ARHGAP15: variants seen among roughly 807,000 people sequenced by gnomAD.
ARHGAP15 encodes Rho GTPase activating protein 15.
ARHGAP15 carries 51 observed loss-of-function variants against 63.7 expected under a neutral mutation model. The ratio of observed to expected loss-of-function variants is 0.80; its 90% CI spans 0.64 to 1.01. ARHGAP15 has a LOEUF of 1.01. Ranked by LOEUF, ARHGAP15 falls within the 50% of genes least tolerant of loss-of-function variation. The pLI, the probability that ARHGAP15 is intolerant of heterozygous loss-of-function variation, is 0.00. For synonymous variants in ARHGAP15, 191 were observed against 193.8 expected (o/e 0.99, Z 0.12); for missense variants, 560 against 564.6 (o/e 0.99, Z 0.08).
intron 10 of ARHGAP15, among the ~76,000 whole-genome samples, chr2:143,529,112 C>G (rs1694412702): frequency 6.6e-6 from 1 of 152,074 alleles, no homozygotes; most frequent in Non-Finnish European, 1.5e-5. Flanking sequence ...TCTGTCTCCT[C>G]AAACTGAACT....
chr2:143,497,412 A>C (rs1692862887), intron 9 of ARHGAP15, among the ~76,000 whole-genome samples: 1 of 152,296 alleles, frequency 6.6e-6, no homozygotes, highest in Middle Eastern at 3.4e-3. Flanking sequence ...GATGAGAAGA[A>C]AAAGATGCAG....
intron 11 of ARHGAP15, chr2:143,607,703 T>G (rs978360674): frequency 5.9e-5 from 9 of 152,144 alleles, no homozygotes; most frequent in African/African-American, 2.2e-4. Context: ...CTTCCCAGAA[T>G]TTTTTATGCC....
chr2:143,374,717 G>A (rs1686726373), intron 6 of ARHGAP15, among the ~76,000 whole-genome samples: 1 of 152,078 alleles, frequency 6.6e-6, no homozygotes, highest in African/African-American at 2.4e-5. Flanking sequence ...TGTCCAGGCT[G>A]GTCTCAACCT....
chr2:143,387,324 G>A (rs550965861), intron 6 of ARHGAP15, among the ~76,000 whole-genome samples: 2 of 152,216 alleles, frequency 1.3e-5, no homozygotes, highest in South Asian at 2.1e-4. Context: ...GATAATAAGT[G>A]ACAATGATTT....
chr2:143,139,658 G>A (rs775321398), intron 1 of ARHGAP15, among the ~76,000 whole-genome samples: 18 of 152,178 alleles, frequency 1.2e-4, no homozygotes, highest in Non-Finnish European at 2.2e-4. Flanking sequence ...AGTAGACTTC[G>A]TAGAAAAAGG....
chr2:143,719,499 C>A (rs918932429), intron 13 of ARHGAP15, among the ~76,000 whole-genome samples: 4 of 152,176 alleles, frequency 2.6e-5, no homozygotes, highest in African/African-American at 9.7e-5. Flanking sequence ...GATAACAGCA[C>A]AACTCTGCCC....
intron 6 of ARHGAP15, among the ~76,000 whole-genome samples, chr2:143,296,163 C>T (rs917513421): frequency 2.0e-5 from 3 of 151,964 alleles, no homozygotes; most frequent in African/African-American, 7.2e-5. Context: ...CCCTGGAGGA[C>T]AGCGAGTGAG....
rs139790129 is a variant in ARHGAP15 at position 143,742,502 on chromosome 2, G to A, written c.1245-25487G>A. Reference sequence around the variant, plus strand: ...GGAAAACCAACAAAAGGAAAGAATCGGTAAAGAAATGACAAATGTCTCCCT... The same window carrying A: ...GGAAAACCAACAAAAGGAAAGAATCAGTAAAGAAATGACAAATGTCTCCCT... On this transcript the variant is annotated intron_variant, in intron 13 of 13. Coordinates refer to ENST00000295095, the MANE Select transcript of ARHGAP15 (RefSeq NM_018460.4). Among the ~76,000 whole-genome samples the A allele has an allele frequency of 2.3e-3, 345 of 152,218 alleles. 1 individual carries two copies. The highest frequency in any genetic ancestry group is 8.4e-4 in the Non-Finnish European group (57 of 68,004).
intron 10 of ARHGAP15, among the ~76,000 whole-genome samples, chr2:143,536,386 T>A (rs552649117): frequency 2.1e-4 from 32 of 152,250 alleles, no homozygotes; most frequent in Admixed American, 8.5e-4. Flanking sequence ...GATTTTTTTT[T>A]TTATTATTTA....
At chr2:143,362,349 C>T (rs1686098085) in intron 6 of ARHGAP15, among the ~76,000 whole-genome samples, 2 of 152,150 alleles carry the variant, frequency 1.3e-5, no homozygotes, top group South Asian at 4.1e-4. Flanking sequence ...CACAGTTGTG[C>T]TCTGTCCTAA....
At chr2:143,220,567 C>T (rs762973179) in intron 4 of ARHGAP15, among the ~76,000 whole-genome samples, 10 of 152,222 alleles carry the variant, frequency 6.6e-5, no homozygotes, top group Middle Eastern at 3.4e-3. Flanking sequence ...TCAAATCACA[C>T]GACCATTTTA....
intron 6 of ARHGAP15, among the ~76,000 whole-genome samples, chr2:143,363,861 A>G (rs1036623097): frequency 6.6e-6 from 1 of 152,182 alleles, no homozygotes; most frequent in Non-Finnish European, 1.5e-5. Flanking sequence ...GTTCCAAACA[A>G]TAGAAACTCA....
intron 12 of ARHGAP15, among the ~76,000 whole-genome samples, chr2:143,685,540 A>G (rs1410215046): frequency 6.6e-6 from 1 of 152,172 alleles, no homozygotes; most frequent in Non-Finnish European, 1.5e-5. Context: ...TGGCATTCAT[A>G]CAGGCATCTG....
intron 2 of ARHGAP15, among the ~76,000 whole-genome samples, chr2:143,159,529 T>A (rs1690209640): frequency 6.6e-6 from 1 of 151,948 alleles, no homozygotes; most frequent in South Asian, 2.1e-4. Flanking sequence ...TCACATTGAA[T>A]TGATAAGACT....
chr2:143,138,500 C>A (rs1234751352), intron 1 of ARHGAP15, among the ~76,000 whole-genome samples: 1 of 152,070 alleles, frequency 6.6e-6, no homozygotes, highest in East Asian at 1.9e-4. Flanking sequence ...TAAAGCAATG[C>A]CATCTGTAGG....
chr2:143,262,882 A>G (rs982023292), intron 6 of ARHGAP15, among the ~76,000 whole-genome samples: 7 of 152,176 alleles, frequency 4.6e-5, no homozygotes, highest in African/African-American at 1.7e-4. Flanking sequence ...CTAATTCAGC[A>G]GAGCCAAAGT....
At chr2:143,417,967 T>C (rs948467459) in intron 6 of ARHGAP15, among the ~76,000 whole-genome samples, 2 of 152,222 alleles carry the variant, frequency 1.3e-5, no homozygotes, top group Admixed American at 6.5e-5. Flanking sequence ...TTTCTGCAAC[T>C]GCTGATGGAG....
At chr2:143,451,544 A>C (rs2105134281) in intron 8 of ARHGAP15, among the ~76,000 whole-genome samples, 1 of 152,054 alleles carries the variant, frequency 6.6e-6, no homozygotes, top group South Asian at 2.1e-4. Context: ...TTTTTCTATG[A>C]AAAAATTAGA....
chr2:143,529,551 C>T lies in ARHGAP15; in HGVS notation c.925+10187C>T, dbSNP rs1352852430. Among the ~76,000 whole-genome samples the T allele has an allele frequency of 7.9e-5, 12 of 151,986 alleles. No homozygotes were observed. In the East Asian group the frequency reaches 1.5e-3, roughly 20 times the overall value. ...ATAAACAAAATTCCACACTAATTAC[C>T]CCCATAAAAAAGGATAAGCATATGA... On this transcript the variant is annotated intron_variant, in intron 10 of 13. Transcript: ENST00000295095.
Sources: allele counts gnomAD v4.1 joint callset (sites outside exome capture counted in the v4.1 genomes callset), GRCh38; gene constraint gnomAD v4.1.1; transcripts MANE v1.5; gene names NCBI Gene and HGNC (gene_info 2026-07-23, HGNC 2026-07-21).